The following GLIS3 variants were observed in gnomAD, a reference collection of about 807,000 sequenced individuals.
GLIS3 encodes the protein GLIS family zinc finger 3.
A neutral mutation model predicts 78.6 loss-of-function variants in GLIS3; 53 were observed. The ratio of observed to expected loss-of-function variants is 0.67; its 90% CI spans 0.54 to 0.85. The LOEUF (loss-of-function observed/expected upper bound fraction) is 0.85, where lower values mean the gene tolerates loss of function less well. Among genes scored for constraint, GLIS3 ranks in the 40% least tolerant of loss-of-function variants. GLIS3 has a pLI of 0.00. For synonymous variants in GLIS3, 684 were observed against 509.9 expected (o/e 1.34, Z -4.60); for missense variants, 1,703 against 1,231.1 (o/e 1.38, Z -5.74).
chr9:4,368,935 C>A, the GLIS3 span, among the ~76,000 whole-genome samples: 1 of 152,146 alleles, frequency 6.6e-6, no homozygotes, highest in Non-Finnish European at 1.5e-5. Context: ...TAATCTAAAC[C>A]TGGTTTATGT....
intron 2 of GLIS3, among the ~76,000 whole-genome samples, chr9:4,219,024 G>C (rs1821095126): frequency 6.6e-6 from 1 of 152,188 alleles, no homozygotes; most frequent in South Asian, 2.1e-4. Flanking sequence ...AGCATTGCCT[G>C]GCATATAAGT....
At chr9:4,029,285 C>T (rs1823611173) in intron 4 of GLIS3, among the ~76,000 whole-genome samples, 1 of 151,732 alleles carries the variant, frequency 6.6e-6, no homozygotes, top group Non-Finnish European at 1.5e-5. Flanking sequence ...CTTTTCCCCC[C>T]GAGACCAAAA....
chr9:4,364,713 T>TAC, the GLIS3 span, among the ~76,000 whole-genome samples: 1 of 135,894 alleles, frequency 7.4e-6, no homozygotes, highest in Non-Finnish European at 1.5e-5. Context: ...TTACACTTTA[T>TAC]ATATATATAT....
intron 4 of GLIS3, among the ~76,000 whole-genome samples, chr9:3,954,957 T>C (rs967520417): frequency 6.6e-6 from 1 of 151,924 alleles, no homozygotes. Flanking sequence ...AATAAGCCGG[T>C]GGATAAAAAT....
In GLIS3 at chr9:4,040,624, C is replaced by T. The variant is rs1010014428; in HGVS notation, c.1710+77144G>A. ...TGGAAAAAATCTGAACGGGAACTCC[C>T]AGCACTTTGGAGAACTATTAATGTG... On this transcript the variant is annotated intron_variant, in intron 4 of 10. Coordinates refer to ENST00000381971, the MANE Select transcript of GLIS3 (RefSeq NM_001042413.2). Among the ~76,000 whole-genome samples the T allele has an allele frequency of 7.2e-5, 11 of 152,138 alleles. No individual in the cohort carries two copies. In the East Asian group the frequency reaches 9.6e-4, roughly 13 times the overall value.
chr9:4,463,226 T>C, the GLIS3 span, among the ~76,000 whole-genome samples: 6 of 152,364 alleles, frequency 3.9e-5, no homozygotes, highest in Admixed American at 1.3e-4. Flanking sequence ...TCCTAGCCTA[T>C]AAAAGTTGAC....
chr9:4,421,426 T>C, the GLIS3 span, among the ~76,000 whole-genome samples: 1 of 152,344 alleles, frequency 6.6e-6, no homozygotes, highest in African/African-American at 2.4e-5. Context: ...AAGAGAAAGC[T>C]GGCTGGTCTG....
At chr9:4,194,548 A>T (rs896765992) in intron 2 of GLIS3, among the ~76,000 whole-genome samples, 3 of 152,226 alleles carry the variant, frequency 2.0e-5, no homozygotes, top group Non-Finnish European at 4.4e-5. Context: ...AGCCACTTGG[A>T]AACAGCAAAA....
At chr9:4,253,045 G>A (rs1275211132) in intron 2 of GLIS3, among the ~76,000 whole-genome samples, 1 of 152,234 alleles carries the variant, frequency 6.6e-6, no homozygotes, top group African/African-American at 2.4e-5. Flanking sequence ...TGAAGTCTCT[G>A]TCAACCCCTG....
At chr9:3,988,437 A>C (rs1819948128) in intron 4 of GLIS3, among the ~76,000 whole-genome samples, 1 of 152,218 alleles carries the variant, frequency 6.6e-6, no homozygotes. Flanking sequence ...AAAATGGGAA[A>C]GGTAAAGAAA....
At chr9:4,298,364 A>C (rs1361393243) in intron 1 of GLIS3, 1 of 455,766 alleles carries the variant, frequency 2.2e-6, no homozygotes, top group Non-Finnish European at 4.4e-6. Context: ...CCCTTCCCCA[A>C]AGTTTCTCCC....
chr9:4,006,734 G>C (rs746018495), intron 4 of GLIS3, among the ~76,000 whole-genome samples: 10 of 152,148 alleles, frequency 6.6e-5, no homozygotes, highest in Non-Finnish European at 1.2e-4. Flanking sequence ...ATCCAAGCTG[G>C]CTTGTTCTAA....
chr9:3,840,741 G>A (rs775493266), intron 9 of GLIS3, among the ~76,000 whole-genome samples: 2 of 152,178 alleles, frequency 1.3e-5, no homozygotes, highest in South Asian at 4.1e-4. Flanking sequence ...CTTCTAATTA[G>A]AAAAGTCCAC....
intron 2 of GLIS3, among the ~76,000 whole-genome samples, chr9:4,139,742 C>T (rs146807151): frequency 9.9e-5 from 15 of 152,280 alleles, no homozygotes; most frequent in East Asian, 1.9e-4. Flanking sequence ...ATTAGATTCT[C>T]GTAAGGAGCA....
the GLIS3 span, among the ~76,000 whole-genome samples, chr9:4,438,402 T>C: frequency 1.3e-5 from 2 of 152,202 alleles, no homozygotes; most frequent in African/African-American, 4.8e-5. Flanking sequence ...ATAGACTTCA[T>C]TTGTTCATGT....
chr9:4,321,833 C>A (rs1195808073), intron 2 of GLIS3, among the ~76,000 whole-genome samples: 1 of 152,012 alleles, frequency 6.6e-6, no homozygotes, highest in East Asian at 1.9e-4. Context: ...CTCACCCTCC[C>A]GAGTAGCTGG....
At chr9:4,261,285 T>G (rs1225740610) in intron 2 of GLIS3, among the ~76,000 whole-genome samples, 4 of 152,094 alleles carry the variant, frequency 2.6e-5, no homozygotes, top group African/African-American at 9.7e-5. Context: ...CTCTTTCCTC[T>G]GGGGATACAT....
intron 2 of GLIS3, among the ~76,000 whole-genome samples, chr9:4,339,509 C>T (rs1475976202): frequency 6.6e-6 from 1 of 151,590 alleles, no homozygotes; most frequent in Non-Finnish European, 1.5e-5. Context: ...GGGCTGGCGC[C>T]GCCTAGAGGC....
intron 2 of GLIS3, among the ~76,000 whole-genome samples, chr9:4,188,067 C>T (rs1405827568): frequency 6.6e-6 from 1 of 151,980 alleles, no homozygotes. Context: ...GCATCCCTGT[C>T]TTGTGCCAGT....
Sources: allele counts gnomAD v4.1 joint callset (sites outside exome capture counted in the v4.1 genomes callset), GRCh38; gene constraint gnomAD v4.1.1; transcripts MANE v1.5; gene names NCBI Gene and HGNC (gene_info 2026-07-23, HGNC 2026-07-21).